Variants in ZNF219 observed in about 807,000 individuals in gnomAD.
The protein encoded by ZNF219 is zinc finger protein 219.
A neutral mutation model predicts 54.4 loss-of-function variants in ZNF219; 17 were observed. The ratio of observed to expected loss-of-function variants is 0.31; its 90% CI spans 0.21 to 0.47. ZNF219 has a LOEUF of 0.47. ZNF219 is among the 20% of genes least tolerant of loss of function. The probability of loss-of-function intolerance (pLI) is 1.00; values close to 1 mark genes in which losing one functional copy is unlikely to be tolerated. For synonymous variants in ZNF219, 518 were observed against 476.4 expected, an observed-to-expected ratio of 1.09 and a Z score of -1.14; for missense variants, 1,014 against 1,062.3, an observed-to-expected ratio of 0.95 and a Z score of 0.63.
rs1889838715 is a variant in ZNF219 at position 21,104,631 on chromosome 14, G to A, written c.-204C>T. ...CCGGCCTAGCCAGGGCCAGGCACCA[G>A]TGAGGATAGAGCGCAGCCTGGCTGC... On this transcript the variant is annotated 5_prime_UTR_variant, in exon 1 of 5. Transcript: ENST00000451119. The A allele has an allele frequency of 2.0e-5, 3 of 152,406 alleles. No individual in the cohort carries two copies. The South Asian group carries it at 6.2e-4, about 32-fold the overall frequency. The allele number at this position is 152,406 out of a possible 1,614,324, so 9.4% of individuals were successfully genotyped here. A position where few individuals can be genotyped will look rare whatever the true frequency, so the allele number is the denominator to read the frequency against.
At chr14:21,100,388 A>G (rs1231892539), upstream of ZNF219, among the ~76,000 whole-genome samples, 1 of 151,802 alleles carries the variant, frequency 6.6e-6, no homozygotes, top group Non-Finnish European at 1.5e-5. Context: ...AATAATAATA[A>G]TAATGTATCC....
At chr14:21,101,444 T>A, upstream of ZNF219, 1 of 1,551,506 alleles carries the variant, frequency 6.4e-7, no homozygotes, top group Middle Eastern at 1.7e-4. Flanking sequence ...CACCTCTTGG[T>A]GCTAGCGGTG....
At position 21,098,528 on chromosome 14, in the gene ZNF219, G is replaced by A; in HGVS notation, c.-300C>T. 1.0e-6 allele frequency: 1 copy of A among 986,350 alleles called. No homozygotes were observed. 61.1% of individuals were successfully genotyped at this position (986,350 alleles called of 1,614,324 possible). A position where few individuals can be genotyped will look rare whatever the true frequency, so the allele number is the denominator to read the frequency against. On this transcript the variant is annotated 5_prime_UTR_variant, in exon 1 of 5. Transcript: ENST00000360947. ...CGGGAGGCGGCCCGGCCATTAGCAT[G>A]CGGGGGGCGGCGCGGCGGGGCTGGG...
chr14:21,092,729 T>C lies in ZNF219; in HGVS notation c.568A>G (p.Lys190Glu). 6.3e-7 allele frequency: 1 copy of C among 1,589,500 alleles called. No homozygotes were observed. Among genetic ancestry groups the C allele is most frequent in the Non-Finnish European group, 8.6e-7 (1 of 1,168,972 alleles). ...GAGCCGAAACTGCACAGGCCGCACT[T>C]CCAGGGCCTATGCAGGATGTGCAGG... ...RHLHILHRPW[K>E]CGLCSFGSSQ... is the part of the protein sequence containing the mutation. The change falls in exon 3 of 5, where the codon AAG becomes GAG. Residue 190 changes from lysine to glutamate, a missense_variant. Physicochemically the swap from Lys to Glu is moderately conservative, Grantham distance 56 (BLOSUM62 1). Transcript: ENST00000360947.
rs1889427100 is a variant in ZNF219 at position 21,098,401 on chromosome 14, G to A, written c.-173C>T. ...GCGGCGCGGGCGTCAGCGTTACGTG[G>A]GGCCGGGGGAGATGCGCCGGGCCCC... is the stretch of plus-strand genomic sequence containing the variant. On this transcript the variant is annotated 5_prime_UTR_variant, in exon 1 of 5. Transcript: ENST00000360947. 1 of 543,530 alleles carries A rather than the reference G, an allele frequency of 1.8e-6. No individual in the cohort carries two copies. The highest frequency in any genetic ancestry group is 2.3e-6 in the Non-Finnish European group (1 of 430,420). 33.7% of individuals were successfully genotyped at this position (543,530 alleles called of 1,614,324 possible).
At chr14:21,103,296 CA>C (rs1312750763), upstream of ZNF219, 7 of 1,538,180 alleles carry the variant, frequency 4.6e-6, no homozygotes, top group Non-Finnish European at 5.3e-6. Flanking sequence ...CCCACCCCAC[CA>C]AACTCAGAAG....
chr14:21,098,887 T>C, upstream of ZNF219: 1 of 1,278,962 alleles, frequency 7.8e-7, no homozygotes, highest in Non-Finnish European at 1.0e-6. Flanking sequence ...GGGTTTTATC[T>C]CAAAGCCTCT....
At chr14:21,103,197 C>T (rs1461587150), upstream of ZNF219, 2 of 1,551,576 alleles carry the variant, frequency 1.3e-6, no homozygotes, top group Admixed American at 3.9e-5. Flanking sequence ...GTGGCCAGCA[C>T]AGGAGCAAAT....
chr14:21,094,967 A>C (rs1025379992), intron 1 of ZNF219, among the ~76,000 whole-genome samples: 1 of 151,112 alleles, frequency 6.6e-6, no homozygotes, highest in African/African-American at 2.4e-5. Context: ...ACTTCCTTAC[A>C]ATAGGCATCA....
Position 21,090,489 on chromosome 14 carries a change from C to G in ZNF219, c.*47G>C, listed in dbSNP as rs573737435. ...TACCCAACTACCTCTAGCGCTCCCC[C>G]GCTCCGGCGGGGTAAGCTCACTAAG... On this transcript the variant is annotated 3_prime_UTR_variant, in exon 5 of 5. Coordinates refer to ENST00000360947, the MANE Select transcript of ZNF219 (RefSeq NM_016423.3). The surrounding 1 kb of genome is among the most constrained non-coding windows in gnomAD (Gnocchi z 4.4). The G allele has an allele frequency of 6.1e-5, 94 of 1,538,750 alleles. No individual in the cohort carries two copies. The highest frequency in any genetic ancestry group is 5.2e-4 in the South Asian group (42 of 80,150).
At chr14:21,093,422 T>C in intron 2 of ZNF219, 132 bp from the exon 3 acceptor site, 2 of 1,454,338 alleles carry the variant, frequency 1.4e-6, no homozygotes, top group Non-Finnish European at 1.9e-6. Context: ...CACAGGGTGC[T>C]ACTCACCTCG....
At chr14:21,103,313 T>C, upstream of ZNF219, 2 of 1,525,028 alleles carry the variant, frequency 1.3e-6, no homozygotes, top group Non-Finnish European at 1.8e-6. Context: ...AGAAGCTTGC[T>C]GGGATCCTTC....
Position 21,091,726 on chromosome 14 carries a change from GAAAACAAAAC to G in ZNF219, c.1432+129_1432+138del, listed in dbSNP as rs139176136. The G allele has an allele frequency of 1.9e-3, 2,753 of 1,442,874 alleles. 40 individuals are homozygous for G. The African/African-American group carries it at 0.029, about 15-fold the overall frequency. The allele number at this position is 1,442,874 out of a possible 1,614,324, so 89.4% of individuals were successfully genotyped here. ...TCTCAAATGATGGCAAAGCCTCCAG[GAAAACAAAAC>G]AAAACAAAACAAAAAAACTCAGGAG... On this transcript the variant is annotated intron_variant, in intron 3 of 4. Transcript: ENST00000360947.
chr14:21,102,680 A>G, upstream of ZNF219: 1 of 1,551,526 alleles, frequency 6.4e-7, no homozygotes, highest in Non-Finnish European at 8.7e-7. Flanking sequence ...CCTTCACCCT[A>G]GGGGGAGTGC....
At chr14:21,102,980 T>C (rs1162875032), upstream of ZNF219, 13 of 1,376,644 alleles carry the variant, frequency 9.4e-6, no homozygotes, top group Middle Eastern at 6.4e-4. Flanking sequence ...TCCAAATGAT[T>C]GAGGTTAAAA....
Position 21,090,562 on chromosome 14 carries a change from C to T in ZNF219, c.2143G>A (p.Ala715Thr). The T allele has an allele frequency of 3.1e-6, 5 of 1,602,332 alleles. No homozygotes were observed. The highest frequency in any genetic ancestry group is 4.3e-6 in the Non-Finnish European group (5 of 1,172,504). The change falls in exon 5 of 5, where the codon GCA becomes ACA. Residue 715 changes from alanine to threonine, a missense_variant. Ala to Thr is a moderately conservative substitution (Grantham distance 58). This residue lies in a region of ZNF219 where 281 missense variants were observed against 271.2 expected (regional missense o/e 1.04). Transcript: ENST00000360947. This position sits in a 1 kb window ranked among gnomAD's most constrained non-coding sequence, Gnocchi z 4.4. ...TACCGTTCTTGCCCCCCCAGCCCTG[C>T]CTCTCCGGGTCTGGACAGCCCGGAG... ...EGSGLSRPGE[A>T]GLGGQER
In ZNF219 at chr14:21,090,322, A is replaced by T. The variant is rs1594590398; in HGVS notation, c.*214T>A. The T allele has an allele frequency of 3.3e-5, 24 of 727,246 alleles. No homozygotes were observed. The East Asian group carries it at 6.2e-4, about 19-fold the overall frequency. The allele number at this position is 727,246 out of a possible 1,614,324, so 45.0% of individuals were successfully genotyped here. ...CCAGGGACCCCGTTCTTTGACCCTC[A>T]CCTCTGCCACTTCTAAGGCACTGTG... On this transcript the variant is annotated 3_prime_UTR_variant, in exon 5 of 5. Transcript: ENST00000360947. The surrounding 1 kb of genome is among the most constrained non-coding windows in gnomAD (Gnocchi z 4.4).
At position 21,091,060 on chromosome 14, in the gene ZNF219, G is replaced by A; in HGVS notation, c.1645C>T (p.His549Tyr). Residue 549 changes from histidine (H) to tyrosine (Y), a missense_variant, in exon 5 of 5, where the codon CAC (histidine) becomes TAC (tyrosine). His to Tyr is a moderately conservative substitution (Grantham distance 83). Transcript: ENST00000360947. ...CCGGCCCCGCTCCTCTGCTCCCGGT[G>A]GTGGCGCTGTAGGTGATACTTGAGC... ...GSLKYHLQRH[H>Y]REQRSGAGPG... The A allele has an allele frequency of 6.4e-7, 1 of 1,564,108 alleles. No individual in the cohort carries two copies.
chr14:21,098,919 T>A, upstream of ZNF219: 1 of 1,210,138 alleles, frequency 8.3e-7, no homozygotes, highest in Non-Finnish European at 1.1e-6. Context: ...TCTGTCTCTC[T>A]TTTGGGGGAG....
Sources: gnomAD v4.1 joint callset for allele counts (sites outside exome capture counted in the v4.1 genomes callset) on GRCh38, gnomAD v4.1.1 for gene constraint, gnomAD v4.1.1 regional missense constraint, Gnocchi (gnomAD v3.1) non-coding constraint, MANE v1.5 for transcripts, NCBI Gene and HGNC (gene_info 2026-07-23, HGNC 2026-07-21) for gene names.